The following IK variants were observed in gnomAD, a reference collection of about 807,000 sequenced individuals.
IK encodes the protein IK cytokine.
In IK, 47 loss-of-function variants were observed where a neutral mutation model predicts 90.9. The observed-to-expected ratio is 0.52, with a 90% CI of 0.41 to 0.66. The LOEUF (loss-of-function observed/expected upper bound fraction) is 0.66, where lower values mean the gene tolerates loss of function less well. Ranked by LOEUF, IK falls within the 30% of genes least tolerant of loss-of-function variation. The pLI, the probability that IK is intolerant of heterozygous loss-of-function variation, is 0.00. For synonymous variants in IK, 201 were observed against 227.5 expected, an observed-to-expected ratio of 0.88 and a Z score of 1.05; for missense variants, 385 against 709.3, an observed-to-expected ratio of 0.54 and a Z score of 5.19.
At chr5:140,650,178 T>C (rs989261236) in intron 2 of IK, among the ~76,000 whole-genome samples, 3 of 152,212 alleles carry the variant, frequency 2.0e-5, no homozygotes, top group Non-Finnish European at 2.9e-5. Flanking sequence ...AAATTCTCAC[T>C]TGTCCCTGTT....
intron 1 of IK, 84 bp from the exon 2 acceptor site, chr5:140,648,387 A>T: frequency 8.3e-7 from 1 of 1,198,766 alleles, no homozygotes; most frequent in Non-Finnish European, 1.2e-6. Context: ...TTTGTTCTGT[A>T]TTGTTCACTA....
chr5:140,660,636 C>A (rs1186514977), intron 15 of IK, 122 bp from the exon 16 acceptor site: 4 of 698,940 alleles, frequency 5.7e-6, no homozygotes, highest in Non-Finnish European at 1.0e-5. Flanking sequence ...TTTTATTAGG[C>A]TCTAAGTGGG....
At chr5:140,659,461 CT>C in intron 13 of IK, 128 bp downstream of exon 13, 1 of 1,009,354 alleles carries the variant, frequency 9.9e-7, no homozygotes, top group Middle Eastern at 2.4e-4. Flanking sequence ...CTGTGTCTTG[CT>C]TTATTGAATA....
In IK at chr5:140,661,565, T is replaced by A. The variant is rs1277128179; in HGVS notation, c.1414-55T>A. On this transcript the variant is annotated intron_variant, in intron 16 of 19. Coordinates refer to ENST00000417647, the MANE Select transcript of IK (RefSeq NM_006083.4). This position sits in a 1 kb window ranked among gnomAD's most constrained non-coding sequence, Gnocchi z 4.2. ...TCTGGCTTCAATCAAGGGCTGAAAT[T>A]CCATTTCCACTGACATCTCTTCCTT... The A allele has an allele frequency of 5.6e-6, 7 of 1,255,286 alleles. No homozygotes were observed. The highest frequency in any genetic ancestry group is 7.9e-6 in the Non-Finnish European group (7 of 881,112). The allele number at this position is 1,255,286 out of a possible 1,614,324, so 77.8% of individuals were successfully genotyped here. A position where few individuals can be genotyped will look rare whatever the true frequency, so the allele number is the denominator to read the frequency against.
Position 140,660,683 on chromosome 5 carries a change from C to G in IK, c.1356-75C>G, listed in dbSNP as rs199915734. 120 of 1,178,614 alleles carry G rather than the reference C, an allele frequency of 1.0e-4. No individual in the cohort carries two copies. In the East Asian group the frequency reaches 2.5e-3, roughly 25 times the overall value. 73.0% of individuals were successfully genotyped at this position (1,178,614 alleles called of 1,614,324 possible). A position where few individuals can be genotyped will look rare whatever the true frequency, so the allele number is the denominator to read the frequency against. On this transcript the variant is annotated intron_variant, in intron 15 of 19. Coordinates refer to ENST00000417647, the MANE Select transcript of IK (RefSeq NM_006083.4). ...GTGGTCATTCCTATGCAGATAACCT[C>G]TTAGTCGGGTAGGTTTCCAGATGAA...
At chr5:140,651,115 A>G (rs1757608234) in intron 2 of IK, among the ~76,000 whole-genome samples, 1 of 152,172 alleles carries the variant, frequency 6.6e-6, no homozygotes, top group African/African-American at 2.4e-5. Context: ...CACTTGATTT[A>G]TCAAACTTTC....
At chr5:140,654,892 ATCATGGCTCAG>A (rs1385303773) in intron 8 of IK, among the ~76,000 whole-genome samples, 165 bp downstream of exon 8, 1 of 152,024 alleles carries the variant, frequency 6.6e-6, no homozygotes, top group Non-Finnish European at 1.5e-5. Context: ...CAGTGGTGTG[ATCATGGCTCAG>A]TGCAGCCTTG....
chr5:140,659,364 C>T lies in IK; in HGVS notation c.1195+31C>T, dbSNP rs759734450. ...TTGTACACACAGCATCTCACAGTTG[C>T]TCTAGCAGTCCTGCTTTCCCCTGGT... On this transcript the variant is annotated intron_variant, in intron 13 of 19. Transcript: ENST00000417647. The T allele has an allele frequency of 3.5e-5, 57 of 1,613,220 alleles. No homozygotes were observed. The East Asian group carries it at 4.5e-4, about 13-fold the overall frequency.
Position 140,654,197 on chromosome 5 carries a change from A to G in IK, c.519+145A>G, listed in dbSNP as rs1581482433. ...TGGCCCCTCTGAAAAGCTGATTGCT[A>G]CTCATCCTTCAAGTATCAGGCCAAA... On this transcript the variant is annotated intron_variant, in intron 6 of 19. Transcript: ENST00000417647. The G allele has an allele frequency of 3.1e-5, 20 of 636,830 alleles. No individual in the cohort carries two copies. The East Asian group carries it at 5.5e-4, about 17-fold the overall frequency. 39.4% of individuals were successfully genotyped at this position (636,830 alleles called of 1,614,324 possible). A position where few individuals can be genotyped will look rare whatever the true frequency, so the allele number is the denominator to read the frequency against.
chr5:140,648,424 C>G, intron 1 of IK, 47 bp from the exon 2 acceptor site: 1 of 1,570,898 alleles, frequency 6.4e-7, no homozygotes, highest in Non-Finnish European at 8.8e-7. Context: ...TGCATAGGAT[C>G]TGACACGTAA....
At chr5:140,651,881 T>A in intron 3 of IK, 75 bp downstream of exon 3, 16 of 978,488 alleles carry the variant, frequency 1.6e-5, no homozygotes, top group Non-Finnish European at 2.3e-5. Context: ...CTAAGTAGAA[T>A]GACTTTTAAT....
intron 15 of IK, 97 bp downstream of exon 15, chr5:140,660,292 C>CCTTTTTTTTTT (rs1757781333): frequency 7.1e-5 from 20 of 283,160 alleles, no homozygotes; most frequent in Non-Finnish European, 1.1e-4. Context: ...AGGGCTACTT[C>CCTTTTTTTTTT]TTTTTTTTTT....
At chr5:140,654,814 C>T (rs757037597) in intron 8 of IK, 87 bp downstream of exon 8, 1 of 850,114 alleles carries the variant, frequency 1.2e-6, no homozygotes, top group Non-Finnish European at 1.9e-6. Flanking sequence ...CTTCTCCTTT[C>T]CCCCAACCTC....
Position 140,659,303 on chromosome 5 carries a change from T to C in IK, c.1177-12T>C. ...ATGGTAACACTAACTTCACATTTTG[T>C]GTTCTTTCCAGCCCATGGACGTTGA... On this transcript the variant is annotated splice_polypyrimidine_tract_variant and intron_variant, in intron 12 of 19. Transcript: ENST00000417647. The C allele has an allele frequency of 6.2e-7, 1 of 1,614,012 alleles. No homozygotes were observed. Among genetic ancestry groups the C allele is most frequent in the South Asian group, 1.1e-5 (1 of 91,080 alleles).
At chr5:140,659,999 G>C (rs760212509) in intron 14 of IK, 116 bp from the exon 15 acceptor site, 2 of 982,930 alleles carry the variant, frequency 2.0e-6, no homozygotes, top group Non-Finnish European at 3.2e-6. Context: ...ACCCATAACA[G>C]CTCACAGCCC....
chr5:140,651,636 T>C (rs1757618188), intron 2 of IK, 78 bp from the exon 3 acceptor site: 1 of 753,408 alleles, frequency 1.3e-6, no homozygotes. Context: ...TTTCTGTTAA[T>C]TTAATCATGA....
At chr5:140,656,419 A>G (rs182150756) in intron 9 of IK, among the ~76,000 whole-genome samples, 2 of 152,142 alleles carry the variant, frequency 1.3e-5, no homozygotes, top group Non-Finnish European at 2.9e-5. Context: ...TCCTGACCTC[A>G]AGTGATCCAT....
At position 140,648,507 on chromosome 5, in the gene IK, A is replaced by G. The variant is rs1270106237; in HGVS notation, c.53A>G (p.His18Arg). The change falls in exon 2 of 20, where the codon CAC becomes CGC. Residue 18 changes from histidine (H) to arginine (R), a missense_variant. This residue lies in a region of IK where 42 missense variants were observed against 37.9 expected (regional missense o/e 1.11). Transcript: ENST00000417647. Reference sequence around the variant, plus strand: ...TCCAACCCTTTGGCCCCCGATGGCCACGATGTGGATGATCCTCACTCCTTC... The same window carrying G: ...TCCAACCCTTTGGCCCCCGATGGCCGCGATGTGGATGATCCTCACTCCTTC... ...PFSNPLAPDG[H>R]DVDDPHSFHQ... 5 of 1,613,872 alleles carry G rather than the reference A, an allele frequency of 3.1e-6. No individual in the cohort carries two copies. Among genetic ancestry groups the G allele is most frequent in the Non-Finnish European group, 4.2e-6 (5 of 1,179,878 alleles).
chr5:140,648,030 G>A lies in IK; in HGVS notation c.16+106G>A, dbSNP rs912028572. ...CGGGTGTGTGTGTGTGTGTGTGTGT[G>A]TGTGTGTGTGTGTGTATGTATGTAT... On this transcript the variant is annotated intron_variant, in intron 1 of 19. Transcript: ENST00000417647. 280 of 1,052,538 alleles carry A rather than the reference G, an allele frequency of 2.7e-4. No individual in the cohort carries two copies. The African/African-American group carries it at 4.4e-3, about 17-fold the overall frequency. The allele number at this position is 1,052,538 out of a possible 1,614,324, so 65.2% of individuals were successfully genotyped here.
Sources: allele counts gnomAD v4.1 joint callset (sites outside exome capture counted in the v4.1 genomes callset), GRCh38; gene constraint gnomAD v4.1.1; regional missense constraint gnomAD v4.1.1; non-coding constraint Gnocchi (gnomAD v3.1); transcripts MANE v1.5; gene names NCBI Gene and HGNC (gene_info 2026-07-23, HGNC 2026-07-21).